The following PTPRM variants were observed in gnomAD, a reference collection of about 807,000 sequenced individuals.
PTPRM encodes the protein protein tyrosine phosphatase receptor type M.
In PTPRM, 47 loss-of-function variants were observed where a neutral mutation model predicts 186.7. The ratio of observed to expected loss-of-function variants is 0.25; its 90% CI spans 0.20 to 0.32. PTPRM has a LOEUF of 0.32. Ranked by LOEUF, PTPRM falls within the 10% of genes least tolerant of loss-of-function variation. The pLI, the probability that PTPRM is intolerant of heterozygous loss-of-function variation, is 1.00. For missense variants in PTPRM, 1,494 were observed against 1,865.0 expected, an observed-to-expected ratio of 0.80 and a Z score of 3.66; for synonymous variants, 668 against 674.9, an observed-to-expected ratio of 0.99 and a Z score of 0.16.
chr18:8,377,816 T>C (rs562640451), intron 26 of PTPRM: 13 of 153,860 alleles, frequency 8.4e-5, no homozygotes, highest in African/African-American at 2.4e-4. Flanking sequence ...TATTAACTTT[T>C]ATGTTCTGAA....
chr18:7,873,796 A>G (rs1272379268), intron 2 of PTPRM, among the ~76,000 whole-genome samples: 1 of 152,230 alleles, frequency 6.6e-6, no homozygotes, highest in East Asian at 1.9e-4. Flanking sequence ...TCATTAATAA[A>G]TTAAAAAATA....
chr18:8,124,914 A>C (rs946856867), intron 13 of PTPRM, among the ~76,000 whole-genome samples: 2 of 152,110 alleles, frequency 1.3e-5, no homozygotes, highest in Non-Finnish European at 2.9e-5. Context: ...CTATACTTGC[A>C]CTGGGAAGCT....
At chr18:7,861,424 A>G (rs1421176465) in intron 2 of PTPRM, among the ~76,000 whole-genome samples, 11 of 152,228 alleles carry the variant, frequency 7.2e-5, no homozygotes. Flanking sequence ...TAATATTTGA[A>G]TGCAATCTGG....
At chr18:8,160,638 A>G (rs2093212703) in intron 14 of PTPRM, among the ~76,000 whole-genome samples, 1 of 152,050 alleles carries the variant, frequency 6.6e-6, no homozygotes, top group Non-Finnish European at 1.5e-5. Flanking sequence ...AAGTTAAAAT[A>G]TCTAGTTTTT....
At chr18:7,608,959 C>G (rs764133442) in intron 1 of PTPRM, among the ~76,000 whole-genome samples, 1 of 152,110 alleles carries the variant, frequency 6.6e-6, no homozygotes, top group Non-Finnish European at 1.5e-5. Flanking sequence ...GCAGGCTAGT[C>G]CCTGTGCACC....
At chr18:7,837,792 C>G (rs1451138935) in intron 2 of PTPRM, among the ~76,000 whole-genome samples, 1 of 152,148 alleles carries the variant, frequency 6.6e-6, no homozygotes, top group Admixed American at 6.5e-5. Flanking sequence ...CAGAATTGGT[C>G]CCTGGTGACT....
intron 1 of PTPRM, among the ~76,000 whole-genome samples, chr18:7,686,531 G>A (rs2039606223): frequency 6.6e-6 from 1 of 150,666 alleles, no homozygotes; most frequent in South Asian, 2.1e-4. Context: ...TAGTGTATAA[G>A]AAGGGTCCAT....
intron 1 of PTPRM, among the ~76,000 whole-genome samples, chr18:7,635,692 A>G (rs896577620): frequency 6.6e-6 from 1 of 152,258 alleles, no homozygotes; most frequent in African/African-American, 2.4e-5. Context: ...ATTGAGCCCA[A>G]ACATGGCGGA....
rs116963350 is a variant in PTPRM, at chr18:7,909,246, T to G, written c.547+2663T>G. On this transcript the variant is annotated intron_variant, in intron 4 of 32. Coordinates refer to ENST00000580170, the MANE Select transcript of PTPRM (RefSeq NM_001105244.2). ...TTCCTAAAACATGTCTCAAGCAATT[T>G]TGTTCTTCCCATAGGAGAGAGCTTT... Among the ~76,000 whole-genome samples, 172 of 152,362 alleles carry G rather than the reference T, an allele frequency of 1.1e-3. 3 individuals carry two copies. In the East Asian group the frequency reaches 0.016, roughly 14 times the overall value.
At chr18:8,124,943 C>T (rs2092291631) in intron 13 of PTPRM, among the ~76,000 whole-genome samples, 1 of 152,112 alleles carries the variant, frequency 6.6e-6, no homozygotes. Context: ...ATGATGAGTC[C>T]TTTGCCTTGC....
intron 14 of PTPRM, among the ~76,000 whole-genome samples, chr18:8,173,835 G>A (rs148072193): frequency 1.5e-4 from 23 of 152,254 alleles, no homozygotes; most frequent in East Asian, 3.9e-4. Context: ...CTGGGAGGCC[G>A]AGGTGGGTGG....
chr18:7,592,300 G>A (rs1052692557), intron 1 of PTPRM, among the ~76,000 whole-genome samples: 24 of 152,178 alleles, frequency 1.6e-4, no homozygotes, highest in African/African-American at 5.3e-4. Context: ...TGGGAGCTAG[G>A]AGAGTAAAAA....
At chr18:7,729,479 G>T (rs2040613672) in intron 1 of PTPRM, among the ~76,000 whole-genome samples, 1 of 151,882 alleles carries the variant, frequency 6.6e-6, no homozygotes, top group African/African-American at 2.4e-5. Context: ...TTCTGCTACA[G>T]ACAGAACTTC....
chr18:8,340,391 T>A (rs550060626), intron 22 of PTPRM, among the ~76,000 whole-genome samples: 4 of 145,496 alleles, frequency 2.7e-5, no homozygotes, highest in Admixed American at 2.7e-4. Flanking sequence ...TTTTGTATCC[T>A]AATCTTTTTT....
intron 22 of PTPRM, among the ~76,000 whole-genome samples, chr18:8,341,240 T>C (rs189023133): frequency 1.6e-4 from 24 of 152,334 alleles, no homozygotes; most frequent in Admixed American, 4.6e-4. Flanking sequence ...ATGTCTTAAT[T>C]TGACTTAGTA....
At chr18:8,161,925 C>T (rs1184192778) in intron 14 of PTPRM, among the ~76,000 whole-genome samples, 1 of 152,062 alleles carries the variant, frequency 6.6e-6, no homozygotes, top group African/African-American at 2.4e-5. Flanking sequence ...ATAAGTGTGC[C>T]TCCCATTTCT....
At chr18:8,216,486 A>T (rs762842161) in intron 14 of PTPRM, among the ~76,000 whole-genome samples, 2 of 152,240 alleles carry the variant, frequency 1.3e-5, no homozygotes, top group Non-Finnish European at 2.9e-5. Flanking sequence ...TAAGGCGAAG[A>T]AAACACATTC....
chr18:8,306,089 GT>G (rs2147963616), intron 20 of PTPRM, among the ~76,000 whole-genome samples: 1 of 152,104 alleles, frequency 6.6e-6, no homozygotes, highest in East Asian at 1.9e-4. Context: ...TAGAGACGGA[GT>G]TTCTTCATGT....
At chr18:7,645,133 A>G (rs945378503) in intron 1 of PTPRM, among the ~76,000 whole-genome samples, 6 of 152,202 alleles carry the variant, frequency 3.9e-5, no homozygotes, top group Non-Finnish European at 7.4e-5. Context: ...CAAAATTTGT[A>G]TGATTAGACT....
Sources: gnomAD v4.1 joint callset for allele counts (sites outside exome capture counted in the v4.1 genomes callset) on GRCh38, gnomAD v4.1.1 for gene constraint, MANE v1.5 for transcripts, NCBI Gene and HGNC (gene_info 2026-07-23, HGNC 2026-07-21) for gene names.